Variants in OSBP2 observed in about 807,000 individuals in gnomAD.
OSBP2 encodes oxysterol binding protein 2.
A neutral mutation model predicts 96.0 loss-of-function variants in OSBP2; 66 were observed. The observed-to-expected ratio is 0.69, with a 90% confidence interval of 0.56 to 0.84. OSBP2 has a LOEUF of 0.84. Among genes scored for constraint, OSBP2 ranks in the 40% least tolerant of loss-of-function variants. The pLI, the probability that OSBP2 is intolerant of heterozygous loss-of-function variation, is 0.00. For synonymous variants in OSBP2, 525 were observed against 520.9 expected (o/e 1.01, Z -0.11); for missense variants, 1,038 against 1,222.7 (o/e 0.85, Z 2.25).
At chr22:30,896,881 C>T (rs2040080144) in intron 12 of OSBP2, among the ~76,000 whole-genome samples, 1 of 152,134 alleles carries the variant, frequency 6.6e-6, no homozygotes, top group Non-Finnish European at 1.5e-5. Context: ...CTCCTGGCCT[C>T]AAGTGATCCT....
At chr22:30,894,781 C>T (rs1176600997) in intron 12 of OSBP2, among the ~76,000 whole-genome samples, 2 of 152,202 alleles carry the variant, frequency 1.3e-5, no homozygotes, top group Non-Finnish European at 2.9e-5. Context: ...GAGGAGCTGT[C>T]CCCTTATCAA....
In OSBP2 at chr22:30,838,011, C is replaced by A. The variant is rs2038673050; in HGVS notation, c.854-32418C>A. Reference sequence around the variant, plus strand: ...TTATGTACATTGTCAAATTTAATTTCTTTTCAGCCCCGAGGTACATATTTT... The same window carrying A: ...TTATGTACATTGTCAAATTTAATTTATTTTCAGCCCCGAGGTACATATTTT... On this transcript the variant is annotated intron_variant, in intron 2 of 13. Transcript: ENST00000332585. Among the ~76,000 whole-genome samples, 3 of 152,116 alleles carry A rather than the reference C, an allele frequency of 2.0e-5. No homozygotes were observed. The South Asian group carries it at 6.2e-4, about 31-fold the overall frequency.
At chr22:30,730,044 C>A (rs1368908276) in intron 1 of OSBP2, among the ~76,000 whole-genome samples, 1 of 151,870 alleles carries the variant, frequency 6.6e-6, no homozygotes, top group Non-Finnish European at 1.5e-5. Flanking sequence ...CTCACTGCAA[C>A]CTCTGCCTCC....
chr22:30,785,067 C>T (rs2090568211), intron 2 of OSBP2, among the ~76,000 whole-genome samples: 1 of 152,134 alleles, frequency 6.6e-6, no homozygotes, highest in Non-Finnish European at 1.5e-5. Context: ...AGCCACTGCA[C>T]CCAGCCTCCT....
intron 12 of OSBP2, among the ~76,000 whole-genome samples, chr22:30,905,168 C>T (rs1473976673): frequency 8.0e-5 from 8 of 99,604 alleles, no homozygotes; most frequent in East Asian, 3.2e-4. Context: ...TTTTTTTAGA[C>T]GGAGCCTCGA....
intron 2 of OSBP2, among the ~76,000 whole-genome samples, chr22:30,745,950 A>T (rs2089994579): frequency 6.6e-6 from 1 of 152,206 alleles, no homozygotes; most frequent in African/African-American, 2.4e-5. Flanking sequence ...GATAACCTGG[A>T]TGCAAATGGA....
chr22:30,834,068 G>A (rs1217262843), intron 2 of OSBP2, among the ~76,000 whole-genome samples: 1 of 145,154 alleles, frequency 6.9e-6, no homozygotes, highest in Admixed American at 6.8e-5. Flanking sequence ...TTTTTTTTTT[G>A]ACATAGGGTC....
chr22:30,834,867 G>A (rs1039180074), intron 2 of OSBP2, among the ~76,000 whole-genome samples: 3 of 150,774 alleles, frequency 2.0e-5, no homozygotes, highest in African/African-American at 7.3e-5. Flanking sequence ...CCAGGCTGGA[G>A]TGCAGTGGCG....
intron 2 of OSBP2, among the ~76,000 whole-genome samples, chr22:30,771,643 C>T (rs1439087631): frequency 6.6e-6 from 1 of 152,238 alleles, no homozygotes; most frequent in Non-Finnish European, 1.5e-5. Flanking sequence ...ATTTGTCAGC[C>T]TAGGTTGCTT....
rs369503407 is a variant in OSBP2, at chr22:30,701,002, G to A, written c.644+5449G>A. On this transcript the variant is annotated intron_variant, in intron 1 of 13. Transcript: ENST00000332585. ...CCCAGCTACTCGGGAGGCTGAGGCA[G>A]GAGAATTGCTTGAACCTGGGAGGCA... Among the ~76,000 whole-genome samples, 112 of 152,132 alleles carry A rather than the reference G, an allele frequency of 7.4e-4. 2 individuals are homozygous for A. In the South Asian group the frequency reaches 0.022, roughly 30 times the overall value.
intron 2 of OSBP2, among the ~76,000 whole-genome samples, chr22:30,773,868 C>G (rs993170221): frequency 6.6e-6 from 1 of 152,140 alleles, no homozygotes; most frequent in African/African-American, 2.4e-5. Context: ...TAGAGAGGCA[C>G]TCCAGCAGGG....
intron 2 of OSBP2, among the ~76,000 whole-genome samples, chr22:30,811,727 G>T (rs2091009506): frequency 6.6e-6 from 1 of 151,360 alleles, no homozygotes; most frequent in Admixed American, 6.6e-5. Context: ...GCCAATTTTT[G>T]TGTTTTTAGT....
At chr22:30,708,478 ATTTTTTTTTTTTTTT>A (rs56361178) in intron 1 of OSBP2, among the ~76,000 whole-genome samples, 6 of 63,458 alleles carry the variant, frequency 9.5e-5, no homozygotes, top group Non-Finnish European at 1.3e-4. Context: ...AAGGATAAGG[ATTTTTTTTTTTTTTT>A]TTTTTTTTTT....
At chr22:30,717,086 G>A (rs1392042569) in intron 1 of OSBP2, among the ~76,000 whole-genome samples, 1 of 96,530 alleles carries the variant, frequency 1.0e-5, no homozygotes, top group East Asian at 3.1e-4. Flanking sequence ...TAATTTTACT[G>A]TTTTTGTGTG....
chr22:30,694,382 C>T, upstream of OSBP2: 1 of 1,501,768 alleles, frequency 6.7e-7, no homozygotes, highest in Non-Finnish European at 8.8e-7. Context: ...TCGTCTTTAG[C>T]CTTTAGCGCC....
intron 1 of OSBP2, among the ~76,000 whole-genome samples, chr22:30,730,366 T>C (rs1266654656): frequency 6.6e-6 from 1 of 152,080 alleles, no homozygotes; most frequent in Non-Finnish European, 1.5e-5. Context: ...TTTCATGGAG[T>C]GAGCACCTCC....
intron 1 of OSBP2, among the ~76,000 whole-genome samples, chr22:30,719,558 C>G (rs147762469): frequency 0.011 from 1,666 of 152,110 alleles, 14 homozygotes; most frequent in Non-Finnish European, 0.016. Flanking sequence ...AGTTTGAGAC[C>G]AGCCTGGCCA....
At chr22:30,849,623 A>G (rs1312349099) in intron 2 of OSBP2, among the ~76,000 whole-genome samples, 2 of 152,230 alleles carry the variant, frequency 1.3e-5, no homozygotes, top group African/African-American at 4.8e-5. Flanking sequence ...AGTTCTTTAC[A>G]TATTGTGAAT....
intron 1 of OSBP2, among the ~76,000 whole-genome samples, chr22:30,709,755 T>G (rs2089316505): frequency 6.6e-6 from 1 of 152,104 alleles, no homozygotes; most frequent in Non-Finnish European, 1.5e-5. Flanking sequence ...CAGGCTGGTT[T>G]GTGAACTCCT....
Sources: allele counts gnomAD v4.1 joint callset (sites outside exome capture counted in the v4.1 genomes callset), GRCh38; gene constraint gnomAD v4.1.1; transcripts MANE v1.5; gene names NCBI Gene and HGNC (gene_info 2026-07-23, HGNC 2026-07-21).